MTUS2: variants seen among roughly 807,000 people sequenced by gnomAD.
MTUS2 encodes the protein microtubule associated scaffold protein 2, also known as microtubule-associated tumor suppressor candidate 2.
MTUS2 carries 40 observed loss-of-function variants against 114.1 expected under a neutral mutation model. The observed-to-expected ratio is 0.35, with a 90% confidence interval of 0.27 to 0.46. The LOEUF is 0.46. Among genes scored for constraint, MTUS2 ranks in the 20% least tolerant of loss-of-function variants. MTUS2 has a pLI of 1.00. For missense variants in MTUS2, 1,679 were observed against 1,705.4 expected, an observed-to-expected ratio of 0.98 and a Z score of 0.27; for synonymous variants, 688 against 672.0, an observed-to-expected ratio of 1.02 and a Z score of -0.37.
chr13:29,338,940 G>T (rs906164454), intron 7 of MTUS2, among the ~76,000 whole-genome samples: 3 of 152,112 alleles, frequency 2.0e-5, no homozygotes, highest in Admixed American at 6.5e-5. Flanking sequence ...CGGGGCTGAG[G>T]CTTGCAGAAT....
At chr13:29,347,960 CCAAG>C (rs1188807797) in intron 7 of MTUS2, among the ~76,000 whole-genome samples, 3 of 68,658 alleles carry the variant, frequency 4.4e-5, no homozygotes, top group Non-Finnish European at 4.9e-5. Flanking sequence ...CAGAGGGATC[CCAAG>C]TGCAGGAGCT....
chr13:29,454,939 G>A (rs1395319589), intron 9 of MTUS2, among the ~76,000 whole-genome samples: 1 of 152,130 alleles, frequency 6.6e-6, no homozygotes, highest in Non-Finnish European at 1.5e-5. Flanking sequence ...CCAGTACACA[G>A]CTATAAAGCA....
At chr13:29,096,088 T>G (rs1286270937) in intron 4 of MTUS2, among the ~76,000 whole-genome samples, 1 of 152,204 alleles carries the variant, frequency 6.6e-6, no homozygotes, top group Non-Finnish European at 1.5e-5. Flanking sequence ...TGTAGCATCC[T>G]TGACTACTAA....
chr13:28,905,760 T>A (rs1278564057), intron 2 of MTUS2, among the ~76,000 whole-genome samples: 1 of 149,936 alleles, frequency 6.7e-6, no homozygotes, highest in East Asian at 1.9e-4. Flanking sequence ...AGGATGATGC[T>A]GGCCTCATAA....
chr13:29,297,391 G>A (rs1898995586), intron 6 of MTUS2, among the ~76,000 whole-genome samples: 1 of 152,094 alleles, frequency 6.6e-6, no homozygotes, highest in Non-Finnish European at 1.5e-5. Flanking sequence ...GTATTCTTAG[G>A]GCTTTGTATA....
At chr13:29,327,428 A>C (rs1305282396) in intron 7 of MTUS2, among the ~76,000 whole-genome samples, 3 of 152,078 alleles carry the variant, frequency 2.0e-5, no homozygotes, top group Non-Finnish European at 4.4e-5. Flanking sequence ...AACCCCAGAC[A>C]ACCACTGATC....
chr13:29,167,370 A>G (rs7338072), intron 5 of MTUS2, among the ~76,000 whole-genome samples: 149,472 of 149,726 alleles, frequency 1, 74,609 homozygotes, highest in Middle Eastern at 1. Context: ...GCAAGACTCT[A>G]TCTCAGAAAA....
At chr13:29,134,832 C>A (rs376862019) in intron 5 of MTUS2, among the ~76,000 whole-genome samples, 1 of 152,150 alleles carries the variant, frequency 6.6e-6, no homozygotes, top group Non-Finnish European at 1.5e-5. Flanking sequence ...GTGATGCGCC[C>A]GCCTTGACCT....
At chr13:28,830,790 A>G (rs912191787) in intron 1 of MTUS2, among the ~76,000 whole-genome samples, 12 of 152,198 alleles carry the variant, frequency 7.9e-5, no homozygotes, top group African/African-American at 2.9e-4. Flanking sequence ...GTGAGTAATC[A>G]TGTACAGAGG....
At chr13:28,884,084 T>G (rs1185508943) in intron 2 of MTUS2, among the ~76,000 whole-genome samples, 1 of 152,188 alleles carries the variant, frequency 6.6e-6, no homozygotes, top group Non-Finnish European at 1.5e-5. Flanking sequence ...AAGCAGGGAT[T>G]CAAATAGATA....
At chr13:29,363,111 C>T (rs1030275518) in intron 8 of MTUS2, among the ~76,000 whole-genome samples, 1 of 152,124 alleles carries the variant, frequency 6.6e-6, no homozygotes, top group South Asian at 2.1e-4. Flanking sequence ...GGGACGGACT[C>T]GCGCTCCTTA....
intron 9 of MTUS2, among the ~76,000 whole-genome samples, chr13:29,443,009 T>C (rs1001766644): frequency 5.3e-5 from 8 of 152,164 alleles, no homozygotes; most frequent in Non-Finnish European, 1.0e-4. Flanking sequence ...TATAAGCCAA[T>C]CCCAGAGTAT....
chr13:29,128,284 A>G (rs1891604204), intron 5 of MTUS2, among the ~76,000 whole-genome samples: 1 of 152,174 alleles, frequency 6.6e-6, no homozygotes. Flanking sequence ...ATGTTCAATG[A>G]GGAGTGAGTT....
intron 5 of MTUS2, among the ~76,000 whole-genome samples, chr13:29,254,723 T>C (rs1593227147): frequency 6.6e-6 from 1 of 152,376 alleles, no homozygotes; most frequent in East Asian, 1.9e-4. Flanking sequence ...CACCAATGAT[T>C]CTTTACTTGT....
intron 7 of MTUS2, among the ~76,000 whole-genome samples, chr13:29,347,367 G>C (rs1193825676): frequency 6.6e-6 from 1 of 151,924 alleles, no homozygotes; most frequent in Non-Finnish European, 1.5e-5. Context: ...CATCTTCATT[G>C]AGTTCAAAAT....
chr13:29,035,423 T>G (rs1244050991), intron 4 of MTUS2, among the ~76,000 whole-genome samples: 1 of 152,190 alleles, frequency 6.6e-6, no homozygotes, highest in African/African-American at 2.4e-5. Flanking sequence ...GGGCAAGGAC[T>G]CAGCTCCCTT....
chr13:29,112,043 C>T (rs1890904167), intron 5 of MTUS2, among the ~76,000 whole-genome samples: 1 of 152,124 alleles, frequency 6.6e-6, no homozygotes, highest in Non-Finnish European at 1.5e-5. Context: ...CTACATCATA[C>T]ATCCATTCCT....
intron 8 of MTUS2, among the ~76,000 whole-genome samples, chr13:29,364,185 G>C (rs1870510121): frequency 6.6e-6 from 1 of 152,120 alleles, no homozygotes; most frequent in Non-Finnish European, 1.5e-5. Context: ...ATGACCTAAT[G>C]GTTTAAGCTG....
chr13:29,456,263 GAGTC>G (rs1200885800), intron 9 of MTUS2, among the ~76,000 whole-genome samples: 1 of 152,126 alleles, frequency 6.6e-6, no homozygotes, highest in Non-Finnish European at 1.5e-5. Flanking sequence ...CTGCAGAAAA[GAGTC>G]AGTAAATTGA....
Sources: gnomAD v4.1 joint callset for allele counts (sites outside exome capture counted in the v4.1 genomes callset) on GRCh38, gnomAD v4.1.1 for gene constraint, MANE v1.5 for transcripts, NCBI Gene and HGNC (gene_info 2026-07-23, HGNC 2026-07-21) for gene names.